ROBO2: variants seen among roughly 807,000 people sequenced by gnomAD.
ROBO2 encodes roundabout homolog 2.
Under a neutral mutation model 160.8 loss-of-function variants are expected in ROBO2, and 53 were observed. The observed-to-expected ratio is 0.33, with a 90% CI of 0.26 to 0.41. The LOEUF (loss-of-function observed/expected upper bound fraction) is 0.41. ROBO2 is among the 10% of genes least tolerant of loss of function. The pLI is 1.00. For missense variants in ROBO2, 1,577 were observed against 1,722.4 expected (o/e 0.92, Z 1.49); for synonymous variants, 664 against 611.7 (o/e 1.09, Z -1.26).
At chr3:77,219,432 G>GGGTA (rs2085430659) in intron 2 of ROBO2, among the ~76,000 whole-genome samples, 1 of 76,756 alleles carries the variant, frequency 1.3e-5, no homozygotes, top group Non-Finnish European at 2.8e-5. Flanking sequence ...GTGTATGTGT[G>GGGTA]TGTATATATA....
At chr3:77,202,324 T>A (rs1196757826) in intron 2 of ROBO2, among the ~76,000 whole-genome samples, 23 of 152,204 alleles carry the variant, frequency 1.5e-4, no homozygotes. Context: ...GATACTTTAT[T>A]CTAATTTGCT....
At chr3:77,632,633 A>C in intron 23 of ROBO2, 1 of 1,535,404 alleles carries the variant, frequency 6.5e-7, no homozygotes, top group Non-Finnish European at 8.7e-7. Context: ...TTTAGGCTGG[A>C]TGGAACCAGC....
chr3:76,105,112 C>T (rs1022879973), intron 2 of ROBO2, among the ~76,000 whole-genome samples: 2 of 151,690 alleles, frequency 1.3e-5, no homozygotes, highest in Admixed American at 6.6e-5. Context: ...AGGTAACACC[C>T]TTGTGCTTCT....
At chr3:77,460,195 G>A (rs987440517) in intron 2 of ROBO2, among the ~76,000 whole-genome samples, 2 of 152,210 alleles carry the variant, frequency 1.3e-5, no homozygotes, top group Non-Finnish European at 2.9e-5. Flanking sequence ...GCTTACGAAT[G>A]GTCAGGATGG....
At chr3:76,796,511 A>AGAAGGAAGGAAG (rs144512442) in intron 2 of ROBO2, among the ~76,000 whole-genome samples, 167 of 144,600 alleles carry the variant, frequency 1.2e-3, no homozygotes, top group African/African-American at 3.6e-3. Context: ...AAAGAAGGAA[A>AGAAGGAAGGAAG]GAAGGAAGGA....
intron 2 of ROBO2, among the ~76,000 whole-genome samples, chr3:76,349,475 G>A (rs1202728821): frequency 2.0e-5 from 3 of 152,062 alleles, no homozygotes; most frequent in African/African-American, 7.2e-5. Flanking sequence ...GAGTCCTGGA[G>A]AGACATTTTC....
chr3:75,996,538 G>T (rs1331584913), intron 2 of ROBO2, among the ~76,000 whole-genome samples: 2 of 152,122 alleles, frequency 1.3e-5, no homozygotes, highest in African/African-American at 4.8e-5. Flanking sequence ...ACTAATAATA[G>T]ACCTTAGTGA....
chr3:76,484,680 A>G (rs1489967358), intron 2 of ROBO2, among the ~76,000 whole-genome samples: 5 of 152,136 alleles, frequency 3.3e-5, no homozygotes, highest in Non-Finnish European at 7.3e-5. Flanking sequence ...AGGTTATTCA[A>G]TCGAGATTTC....
At chr3:76,352,010 TAA>T (rs1439062476) in intron 2 of ROBO2, among the ~76,000 whole-genome samples, 1 of 152,054 alleles carries the variant, frequency 6.6e-6, no homozygotes, top group African/African-American at 2.4e-5. Context: ...TAATCAGATA[TAA>T]GTTAGTTCTA....
At chr3:77,644,957 TTAATAAC>T in intron 25 of ROBO2, 53 bp downstream of exon 27, 1 of 1,545,416 alleles carries the variant, frequency 6.5e-7, no homozygotes. Context: ...GAATCTTGGG[TTAATAAC>T]ATTGCCACAT....
intron 2 of ROBO2, among the ~76,000 whole-genome samples, chr3:77,355,088 T>G (rs1400291994): frequency 6.6e-6 from 1 of 152,122 alleles, no homozygotes. Flanking sequence ...TCCAAAGAGT[T>G]CTATCACATA....
intron 2 of ROBO2, among the ~76,000 whole-genome samples, chr3:76,456,457 A>G (rs2077759814): frequency 6.6e-6 from 1 of 152,194 alleles, no homozygotes; most frequent in East Asian, 1.9e-4. Flanking sequence ...AATTGAGGGA[A>G]CAAGGCAGCA....
In ROBO2 at chr3:76,082,638, C is replaced by G. The variant is rs1376732114; in HGVS notation, c.109+145036C>G. Among the ~76,000 whole-genome samples the G allele has an allele frequency of 2.0e-5, 3 of 152,072 alleles. No individual in the cohort carries two copies. The East Asian group carries it at 5.8e-4, about 29-fold the overall frequency. On this transcript the variant is annotated intron_variant, in intron 2 of 26. Transcript: ENST00000487694. ...CTTCAAGTCTCTGCTCAAATATTGC[C>G]ACTTTACATAGATTGATTTGAATCA...
At chr3:76,873,465 T>A (rs2148694043) in intron 2 of ROBO2, among the ~76,000 whole-genome samples, 1 of 152,336 alleles carries the variant, frequency 6.6e-6, no homozygotes, top group East Asian at 1.9e-4. Context: ...TGGAATGAAA[T>A]AAATAATTTG....
chr3:76,757,932 A>G (rs2061075308), intron 2 of ROBO2, among the ~76,000 whole-genome samples: 1 of 151,786 alleles, frequency 6.6e-6, no homozygotes, highest in African/African-American at 2.4e-5. Context: ...GAAAGAAAAC[A>G]ATAAGGTGAC....
At chr3:76,852,411 G>T (rs1487243226) in intron 2 of ROBO2, among the ~76,000 whole-genome samples, 2 of 152,098 alleles carry the variant, frequency 1.3e-5, no homozygotes, top group African/African-American at 4.8e-5. Context: ...AATAACAGAG[G>T]CTCTAAAACT....
chr3:77,630,868 G>A (rs1437705913), intron 23 of ROBO2: 3 of 151,484 alleles, frequency 2.0e-5, no homozygotes, highest in Non-Finnish European at 4.4e-5. Context: ...ACAGGGAAGG[G>A]ACTGGGAGTG....
intron 23 of ROBO2, chr3:77,632,653 A>G (rs1257281978): frequency 6.5e-7 from 1 of 1,534,022 alleles, no homozygotes; most frequent in Non-Finnish European, 8.7e-7. Flanking sequence ...CCTTACAAGA[A>G]CAGGTTGGTA....
intron 2 of ROBO2, among the ~76,000 whole-genome samples, chr3:77,317,988 G>T (rs1214103989): frequency 6.6e-6 from 1 of 151,634 alleles, no homozygotes. Flanking sequence ...TTGCGAAGAA[G>T]GTGGGGTGAT....
Sources: allele counts gnomAD v4.1 joint callset (sites outside exome capture counted in the v4.1 genomes callset), GRCh38; gene constraint gnomAD v4.1.1; transcripts MANE v1.5; gene names NCBI Gene and HGNC (gene_info 2026-07-23, HGNC 2026-07-21).